Variants in COL5A2 observed in about 807,000 individuals in gnomAD.
The protein encoded by COL5A2 is collagen type V alpha 2 chain, also known as collagen alpha-2(V) chain.
COL5A2 carries 23 observed loss-of-function variants against 208.2 expected under a neutral mutation model. The ratio of observed to expected loss-of-function variants is 0.11; its 90% CI spans 0.08 to 0.16. COL5A2 has a LOEUF of 0.16. Among genes scored for constraint, COL5A2 ranks in the 10% least tolerant of loss-of-function variants. The probability of loss-of-function intolerance (pLI) is 1.00; values close to 1 mark genes in which losing one functional copy is unlikely to be tolerated. For missense variants in COL5A2, 1,590 were observed against 1,956.4 expected, an observed-to-expected ratio of 0.81 and a Z score of 3.53; for synonymous variants, 625 against 628.5, an observed-to-expected ratio of 0.99 and a Z score of 0.08.
chr2:189,212,949 C>T (rs941518340), intron 1 of COL5A2, among the ~76,000 whole-genome samples: 14 of 151,678 alleles, frequency 9.2e-5, no homozygotes, highest in African/African-American at 2.9e-4. Context: ...AGTGTGACAG[C>T]GCGATCTGAG....
rs1685388688 is a variant in COL5A2, at chr2:189,033,917, A to G, written c.*153T>C. 1.1e-6 allele frequency: 1 copy of G among 896,184 alleles called. No homozygotes were observed. The highest frequency in any genetic ancestry group is 1.4e-5 in the South Asian group (1 of 72,100). 55.5% of individuals were successfully genotyped at this position (896,184 alleles called of 1,614,324 possible). On this transcript the variant is annotated 3_prime_UTR_variant, in exon 54 of 54. Coordinates refer to ENST00000374866, the MANE Select transcript of COL5A2 (RefSeq NM_000393.5). Reference sequence around the variant, plus strand: ...AGTAAAATAAATATTCTGAAGGATAAGGAGGCCAGGCACTTAAGACCATAT... The same window carrying G: ...AGTAAAATAAATATTCTGAAGGATAGGGAGGCCAGGCACTTAAGACCATAT...
intron 5 of COL5A2, 63 bp downstream of exon 5, chr2:189,098,664 G>A: frequency 8.2e-7 from 1 of 1,222,494 alleles, no homozygotes; most frequent in South Asian, 1.2e-5. Flanking sequence ...TATAATATCT[G>A]TAAAGATTTT....
the COL5A2 span, among the ~76,000 whole-genome samples, chr2:189,331,626 T>C: frequency 6.6e-6 from 1 of 152,180 alleles, no homozygotes; most frequent in Non-Finnish European, 1.5e-5. Context: ...CTTTCTGCCA[T>C]GATTGTGAGG....
At chr2:189,210,693 T>G (rs1053337250) in intron 1 of COL5A2, among the ~76,000 whole-genome samples, 1 of 152,228 alleles carries the variant, frequency 6.6e-6, no homozygotes, top group Non-Finnish European at 1.5e-5. Flanking sequence ...ATAACGTTTT[T>G]CAAAGTATGA....
the COL5A2 span, among the ~76,000 whole-genome samples, chr2:189,336,709 AAGC>A: frequency 6.6e-6 from 1 of 152,186 alleles, no homozygotes; most frequent in Non-Finnish European, 1.5e-5. Context: ...AGTAATGGTA[AAGC>A]AACTAGGAAG....
intron 1 of COL5A2, among the ~76,000 whole-genome samples, chr2:189,161,167 T>A (rs1200006496): frequency 2.0e-5 from 3 of 151,142 alleles, no homozygotes; most frequent in African/African-American, 7.3e-5. Flanking sequence ...TCCTCTTGTG[T>A]CATTTCTGCT....
chr2:189,097,146 T>C (rs1686935146), intron 6 of COL5A2, 131 bp downstream of exon 6: 1 of 780,654 alleles, frequency 1.3e-6, no homozygotes, highest in African/African-American at 1.7e-5. Flanking sequence ...TATACAATTA[T>C]TATTGTATTT....
At chr2:189,059,585 G>GTTTTTTTTTTTTTTTTGTTTTTTTT (rs1685979898) in intron 31 of COL5A2, among the ~76,000 whole-genome samples, 1 of 28,594 alleles carries the variant, frequency 3.5e-5, no homozygotes, top group African/African-American at 9.8e-5. Flanking sequence ...TTCTTTTCTG[G>GTTTTTTTTTTTTTTTTGTTTTTTTT]TTTTTTTTTT....
In COL5A2 at chr2:189,053,910, G is replaced by A. The variant is rs1212265593; in HGVS notation, c.2484C>T (p.Gly828=). The part of the protein sequence containing the change: ...PGPRGLVGPP[G]SRGNPGSRGE... ...TGTCACTTACAGGATTGCCCCGGGA[G>A]CCAGGAGGGCCAACTAAACCTCGAG... Residue 828 remains glycine (G), a synonymous_variant, in exon 37 of 54, where the codon GGC becomes GGT. Transcript: ENST00000374866. 6.2e-7 allele frequency: 1 copy of A among 1,613,828 alleles called. No homozygotes were observed. The highest frequency in any genetic ancestry group is 1.3e-5 in the African/African-American group (1 of 74,902).
intron 1 of COL5A2, among the ~76,000 whole-genome samples, chr2:189,191,559 T>C (rs571803919): frequency 6.6e-6 from 1 of 152,080 alleles, no homozygotes; most frequent in Non-Finnish European, 1.5e-5. Context: ...AAGAATCACT[T>C]GAACCTGGGA....
rs138670180 is a variant in COL5A2, at chr2:189,033,594, A to G, written c.*476T>C. ...CATTTTAAACTCATTTTTAATTGACAATCTTGGAATGAGAGGTCACAAAAG... is the reference window on the plus strand; with the variant it reads ...CATTTTAAACTCATTTTTAATTGACGATCTTGGAATGAGAGGTCACAAAAG... On this transcript the variant is annotated 3_prime_UTR_variant, in exon 54 of 54. Transcript: ENST00000374866. The G allele has an allele frequency of 5.5e-3, 961 of 173,730 alleles. 8 individuals carry two copies. Among genetic ancestry groups the G allele is most frequent in the African/African-American group, 0.021 (884 of 41,884 alleles). The allele number at this position is 173,730 out of a possible 1,614,324, so 10.8% of individuals were successfully genotyped here.
At chr2:189,146,421 C>T (rs763017392) in intron 1 of COL5A2, among the ~76,000 whole-genome samples, 1 of 152,022 alleles carries the variant, frequency 6.6e-6, no homozygotes, top group Non-Finnish European at 1.5e-5. Flanking sequence ...ACAGAATGCA[C>T]ATTGGAGTAC....
At position 189,061,548 on chromosome 2, in the gene COL5A2, G is replaced by A. The variant is rs749030256; in HGVS notation, c.2031+14C>T. On this transcript the variant is annotated intron_variant, in intron 30 of 53. Coordinates refer to ENST00000374866, the MANE Select transcript of COL5A2 (RefSeq NM_000393.5). ...TTAATGGAAGATGAAATGGAAAACC[G>A]AATTAGTGCATACCTGAAAACCTGT... The A allele has an allele frequency of 1.3e-5, 21 of 1,600,054 alleles. No homozygotes were observed. Among genetic ancestry groups the A allele is most frequent in the Admixed American group, 1.7e-5 (1 of 59,850 alleles).
intron 2 of COL5A2, among the ~76,000 whole-genome samples, chr2:189,107,502 A>C (rs945999114): frequency 6.6e-6 from 1 of 151,196 alleles, no homozygotes; most frequent in African/African-American, 2.4e-5. Flanking sequence ...TATTTCTACT[A>C]TATTTCAGTT....
chr2:189,323,520 A>G, the COL5A2 span, among the ~76,000 whole-genome samples: 4 of 152,150 alleles, frequency 2.6e-5, no homozygotes, highest in African/African-American at 7.2e-5. Flanking sequence ...ATTCTTATAC[A>G]CCAATAACAG....
At chr2:189,113,767 T>A (rs1687331225) in intron 1 of COL5A2, among the ~76,000 whole-genome samples, 1 of 111,786 alleles carries the variant, frequency 8.9e-6, no homozygotes, top group Admixed American at 8.8e-5. Flanking sequence ...AGGATATATA[T>A]GCTGATGGGA....
the COL5A2 span, among the ~76,000 whole-genome samples, chr2:189,319,780 C>A: frequency 3.9e-5 from 6 of 152,236 alleles, no homozygotes; most frequent in Admixed American, 3.3e-4. Flanking sequence ...CCTCTGCAGA[C>A]TTAAATGTCC....
chr2:189,347,746 T>A, the COL5A2 span, among the ~76,000 whole-genome samples: 2 of 152,308 alleles, frequency 1.3e-5, no homozygotes, highest in Admixed American at 6.5e-5. Flanking sequence ...GGAACTCCTG[T>A]TTGTCATCTG....
At chr2:189,319,151 A>T in the COL5A2 span, among the ~76,000 whole-genome samples, 3 of 152,392 alleles carry the variant, frequency 2.0e-5, no homozygotes, top group Non-Finnish European at 4.4e-5. Flanking sequence ...TTTTGAATAA[A>T]TTGTTAAAAT....
Sources: gnomAD v4.1 joint callset for allele counts (sites outside exome capture counted in the v4.1 genomes callset) on GRCh38, gnomAD v4.1.1 for gene constraint, MANE v1.5 for transcripts, NCBI Gene and HGNC (gene_info 2026-07-23, HGNC 2026-07-21) for gene names.